Variants in NDEL1 observed in about 807,000 individuals in gnomAD.
The protein encoded by NDEL1 is nuclear distribution protein nudE-like 1.
A neutral mutation model predicts 45.7 loss-of-function variants in NDEL1; 9 were observed. The ratio of observed to expected loss-of-function variants is 0.20; its 90% CI spans 0.12 to 0.34. The LOEUF is 0.34. Among genes scored for constraint, NDEL1 ranks in the 10% least tolerant of loss-of-function variants. The probability of loss-of-function intolerance (pLI) is 1.00; values close to 1 mark genes in which losing one functional copy is unlikely to be tolerated. For missense variants in NDEL1, 306 were observed against 406.2 expected (o/e 0.75, Z 2.12); for synonymous variants, 133 against 158.6 (o/e 0.84, Z 1.21).
intron 6 of NDEL1, among the ~76,000 whole-genome samples, chr17:8,451,213 A>G (rs1910486096): frequency 1.3e-5 from 2 of 152,244 alleles, no homozygotes; most frequent in Non-Finnish European, 2.9e-5. Flanking sequence ...TGATAGCAAT[A>G]GATTTTGTGA....
At chr17:8,449,069 G>A (rs553610952) in intron 5 of NDEL1, among the ~76,000 whole-genome samples, 7 of 152,258 alleles carry the variant, frequency 4.6e-5, no homozygotes, top group African/African-American at 1.2e-4. Flanking sequence ...TGCAAATTCC[G>A]CCTCCTGGGT....
At chr17:8,444,540 C>T in intron 2 of NDEL1, 183 bp downstream of exon 2, 1 of 485,880 alleles carries the variant, frequency 2.1e-6, no homozygotes, top group Non-Finnish European at 3.6e-6. Context: ...TGCCATAAGT[C>T]TTTATATTGT....
chr17:8,425,286 A>G (rs1165731944), intron 1 of NDEL1, among the ~76,000 whole-genome samples: 1 of 152,244 alleles, frequency 6.6e-6, no homozygotes, highest in African/African-American at 2.4e-5. Flanking sequence ...GTTCTAAACT[A>G]AAAAAGTGCT....
At chr17:8,466,198 G>A (rs1433931610) in intron 8 of NDEL1, 2 of 152,126 alleles carry the variant, frequency 1.3e-5, no homozygotes, top group Non-Finnish European at 2.9e-5. Context: ...GGATAAAGTA[G>A]TAAACAAAAT....
chr17:8,414,560 G>C (rs532264374), intron 1 of NDEL1, among the ~76,000 whole-genome samples: 1 of 152,118 alleles, frequency 6.6e-6, no homozygotes, highest in African/African-American at 2.4e-5. Flanking sequence ...CCAGCTACCC[G>C]GGAGGCTGAG....
At chr17:8,430,406 C>T (rs1908970495) in intron 1 of NDEL1, among the ~76,000 whole-genome samples, 1 of 152,218 alleles carries the variant, frequency 6.6e-6, no homozygotes, top group Non-Finnish European at 1.5e-5. Context: ...AGAATTTCCA[C>T]AGTGGGCCTG....
At chr17:8,440,152 C>T (rs976327699) in intron 1 of NDEL1, among the ~76,000 whole-genome samples, 6 of 152,224 alleles carry the variant, frequency 3.9e-5, no homozygotes, top group South Asian at 4.1e-4. Context: ...GGCCAATAAG[C>T]GGGTTATGAA....
rs1911661754 is a variant in NDEL1 at position 8,467,270 on chromosome 17, G to A, written c.*247G>A. 1 of 584,258 alleles carries A rather than the reference G, an allele frequency of 1.7e-6. No homozygotes were observed. Among genetic ancestry groups the A allele is most frequent in the Non-Finnish European group, 3.0e-6 (1 of 328,880 alleles). The allele number at this position is 584,258 out of a possible 1,614,324, so 36.2% of individuals were successfully genotyped here. ...GGTTTCACATGATTGCACTTTTGTG[G>A]GTCGCAAGGTGATACATACGTGTAT... On this transcript the variant is annotated 3_prime_UTR_variant, in exon 9 of 9. Coordinates refer to ENST00000334527, the MANE Select transcript of NDEL1 (RefSeq NM_030808.5). The surrounding 1 kb of genome is among the most constrained non-coding windows in gnomAD (Gnocchi z 6.3).
At chr17:8,446,029 A>T (rs1433963060) in intron 3 of NDEL1, 165 bp downstream of exon 3, 8 of 635,234 alleles carry the variant, frequency 1.3e-5, no homozygotes, top group Non-Finnish European at 1.6e-5. Flanking sequence ...CCAGGGGAAA[A>T]GGTGGTTTAG....
At chr17:8,440,407 A>C (rs1909652159) in intron 1 of NDEL1, among the ~76,000 whole-genome samples, 1 of 151,798 alleles carries the variant, frequency 6.6e-6, no homozygotes, top group Non-Finnish European at 1.5e-5. Flanking sequence ...CCAGCTACTT[A>C]GGAGGCCGAG....
intron 3 of NDEL1, among the ~76,000 whole-genome samples, chr17:8,473,642 CCCATTTCACACGTTTCTACTG>C (rs768967631): frequency 6.6e-6 from 1 of 152,196 alleles, no homozygotes; most frequent in Non-Finnish European, 1.5e-5. Flanking sequence ...GGCACTTCGG[CCCATTTCACACGTTTCTACTG>C]CTGCCAAGAA....
rs1382604110 is a variant in NDEL1, at chr17:8,465,307, A to G, written c.945-1623A>G. On this transcript the variant is annotated intron_variant, in intron 8 of 8. Transcript: ENST00000334527. This position sits in a 1 kb window ranked among gnomAD's most constrained non-coding sequence, Gnocchi z 4.9. ...GGGAGAGTGGGAAGGATGATTTCAA[A>G]CTTGCAAATGTGTTGAAGCTCAAAA... The G allele has an allele frequency of 2.6e-5, 4 of 152,342 alleles. No homozygotes were observed. The East Asian group carries it at 7.7e-4, about 29-fold the overall frequency. The allele number at this position is 152,342 out of a possible 1,614,324, so 9.4% of individuals were successfully genotyped here.
At chr17:8,471,973 C>T (rs1005692828), downstream of NDEL1, among the ~76,000 whole-genome samples, 7 of 152,016 alleles carry the variant, frequency 4.6e-5, no homozygotes, top group East Asian at 5.8e-4. Context: ...GGTGGGGCCT[C>T]GCAAGGGGAG....
intron 7 of NDEL1, among the ~76,000 whole-genome samples, chr17:8,459,068 G>A (rs189335876): frequency 4.4e-4 from 67 of 152,256 alleles, no homozygotes; most frequent in Middle Eastern, 3.4e-3. Flanking sequence ...ATTGAAATGT[G>A]GGGGGAGGAG....
rs773816113 is a variant in NDEL1, at chr17:8,466,998, C to T, written c.1013C>T (p.Pro338Leu). The T allele has an allele frequency of 8.7e-6, 14 of 1,614,188 alleles. No individual in the cohort carries two copies. The Admixed American group carries it at 1.5e-4, about 17-fold the overall frequency. ...GLGSSRPSSA[P>L]GMLPLSV is the part of the protein sequence containing the mutation. ...GGCTCCTCGCGTCCATCGTCAGCGCCGGGTATGCTGCCTCTCAGTGTGTGA... is the reference window on the plus strand; with the variant it reads ...GGCTCCTCGCGTCCATCGTCAGCGCTGGGTATGCTGCCTCTCAGTGTGTGA... The change falls in exon 9 of 9, where the codon CCG becomes CTG. Residue 338 changes from proline (P) to leucine (L), a missense_variant. Pro to Leu is a moderately conservative substitution (Grantham distance 98). Around this residue, in one of 3 missense-constraint regions of NDEL1, gnomAD observed 175 missense variants for 205.2 expected, o/e 0.85. Transcript: ENST00000334527.
At chr17:8,457,376 T>A (rs1281476303) in intron 7 of NDEL1, among the ~76,000 whole-genome samples, 1 of 152,220 alleles carries the variant, frequency 6.6e-6, no homozygotes, top group Non-Finnish European at 1.5e-5. Flanking sequence ...TTTAGTACTT[T>A]AATTTATTCA....
intron 8 of NDEL1, chr17:8,463,023 TG>T: frequency 3.8e-6 from 1 of 264,576 alleles, no homozygotes. Flanking sequence ...TCCTGAAACA[TG>T]GGCTGCCGTG....
chr17:8,458,522 A>T (rs1910993397), intron 7 of NDEL1, among the ~76,000 whole-genome samples: 4 of 150,520 alleles, frequency 2.7e-5, no homozygotes. Flanking sequence ...TCTTGAATAT[A>T]GGAATTGAAT....
At chr17:8,421,497 G>T (rs1908706165) in intron 1 of NDEL1, among the ~76,000 whole-genome samples, 1 of 152,182 alleles carries the variant, frequency 6.6e-6, no homozygotes, top group African/African-American at 2.4e-5. Context: ...AGGAGCGCTG[G>T]TGGCCTCTAG....
Sources: allele counts gnomAD v4.1 joint callset (sites outside exome capture counted in the v4.1 genomes callset), GRCh38; gene constraint gnomAD v4.1.1; regional missense constraint gnomAD v4.1.1; non-coding constraint Gnocchi (gnomAD v3.1); transcripts MANE v1.5; gene names NCBI Gene and HGNC (gene_info 2026-07-23, HGNC 2026-07-21).